BUB1B: variants seen among roughly 807,000 people sequenced by gnomAD.
BUB1B encodes BUB1 mitotic checkpoint serine/threonine kinase B, also known as mitotic checkpoint serine/threonine-protein kinase BUB1 beta.
Under a neutral mutation model 137.7 loss-of-function variants are expected in BUB1B, and 86 were observed. That is an observed-to-expected ratio of 0.62 (90% confidence interval 0.52 to 0.75). The LOEUF (loss-of-function observed/expected upper bound fraction) is 0.75. BUB1B is among the 30% of genes least tolerant of loss of function. The probability of loss-of-function intolerance (pLI) is 0.00; values close to 1 mark genes in which losing one functional copy is unlikely to be tolerated. For synonymous variants in BUB1B, 420 were observed against 417.9 expected, an observed-to-expected ratio of 1.00 and a Z score of -0.06; for missense variants, 1,130 against 1,236.9, an observed-to-expected ratio of 0.91 and a Z score of 1.30.
rs1444930683 is a variant in BUB1B at position 40,196,684 on chromosome 15, A to G, written c.1198A>G (p.Lys400Glu). ...EEKKEKMMYC[K>E]EKIYAGVGEF... ...GAAGAAAGAGAAGATGATGTATTGT[A>G]AGGAGAAGATTTATGCAGGAGTAGG... Residue 400 changes from lysine (K) to glutamate (E), a missense_variant, in exon 9 of 23, where the codon AAG (lysine) becomes GAG (glutamate). Coordinates refer to ENST00000287598, the MANE Select transcript of BUB1B (RefSeq NM_001211.6). 1.1e-5 allele frequency: 18 copies of G among 1,614,046 alleles called. No individual in the cohort carries two copies. Among genetic ancestry groups the G allele is most frequent in the Non-Finnish European group, 1.5e-5 (18 of 1,179,932 alleles).
At chr15:40,199,103 C>T (rs1272510949) in intron 9 of BUB1B, among the ~76,000 whole-genome samples, 1 of 152,206 alleles carries the variant, frequency 6.6e-6, no homozygotes, top group East Asian at 1.9e-4. Context: ...GAATCTTTCC[C>T]CAGAACTTTG....
intron 2 of BUB1B, among the ~76,000 whole-genome samples, chr15:40,167,407 A>G (rs1432770211): frequency 1.4e-5 from 2 of 140,246 alleles, no homozygotes; most frequent in African/African-American, 2.8e-5. Flanking sequence ...CTGGAGCGCA[A>G]TCTCAGCTCA....
intron 14 of BUB1B, among the ~76,000 whole-genome samples, chr15:40,205,361 T>G (rs1351142569): frequency 6.6e-6 from 1 of 152,198 alleles, no homozygotes; most frequent in South Asian, 2.1e-4. Flanking sequence ...AAAATTAATC[T>G]CTGGTATCCA....
At chr15:40,182,755 C>T (rs1011807705) in intron 5 of BUB1B, among the ~76,000 whole-genome samples, 5 of 152,224 alleles carry the variant, frequency 3.3e-5, no homozygotes, top group African/African-American at 1.2e-4. Flanking sequence ...TCAGAGTCCT[C>T]TTTTCCCAGT....
At chr15:40,181,093 AT>A (rs372589327) in intron 5 of BUB1B, among the ~76,000 whole-genome samples, 89,942 of 137,744 alleles carry the variant, frequency 0.65, 29,167 homozygotes, top group Non-Finnish European at 0.72. Context: ...TCTAGATGTG[AT>A]TTTTTTTTTT....
Position 40,209,622 on chromosome 15 carries a change from C to T in BUB1B, c.2144-13C>T, listed in dbSNP as rs1329171390. ...TTTGGTGATATATTTTCACCTTTCC[C>T]TCCCACTGGCAGAAAACCCTACTCA... On this transcript the variant is annotated splice_polypyrimidine_tract_variant and intron_variant, in intron 16 of 22. Coordinates refer to ENST00000287598, the MANE Select transcript of BUB1B (RefSeq NM_001211.6). The T allele has an allele frequency of 3.1e-6, 5 of 1,613,780 alleles. No individual in the cohort carries two copies. The Admixed American group carries it at 6.7e-5, about 22-fold the overall frequency.
At position 40,166,659 on chromosome 15, in the gene BUB1B, C is replaced by T. The variant is rs190442461; in HGVS notation, c.179+1463C>T. Reference sequence around the variant, plus strand: ...CCAGCAGTAGACATAATTTTCATTTCCCTTGGAGTGGAATTGTTGGACCAT... The same window carrying T: ...CCAGCAGTAGACATAATTTTCATTTTCCTTGGAGTGGAATTGTTGGACCAT... On this transcript the variant is annotated intron_variant, in intron 2 of 22. Coordinates refer to ENST00000287598, the MANE Select transcript of BUB1B (RefSeq NM_001211.6). Among the ~76,000 whole-genome samples, 28 of 152,314 alleles carry T rather than the reference C, an allele frequency of 1.8e-4. 1 individual carries two copies. In the East Asian group the frequency reaches 5.4e-3, roughly 29 times the overall value.
At chr15:40,170,009 T>G in intron 2 of BUB1B, 53 bp from the exon 3 acceptor site, 1 of 1,367,718 alleles carries the variant, frequency 7.3e-7, no homozygotes, top group Non-Finnish European at 1.0e-6. Context: ...TGATACTTGT[T>G]CATTGGCTGT....
chr15:40,218,460 AC>A lies in BUB1B; in HGVS notation c.2857del (p.Leu953CysfsTer4). 1 of 1,611,700 alleles carries A rather than the reference AC, an allele frequency of 6.2e-7. No homozygotes were observed. Reference sequence around the variant, plus strand: ...TGGTGCTTTTTGTGATTTCAGGTAGACCTGTTTGGTATAGCAGATTTAGCAC... The same window carrying A: ...TGGTGCTTTTTGTGATTTCAGGTAGACTGTTTGGTATAGCAGATTTAGCAC... ...LANCSSPYQV[D>X]LFGIADLAHL... is the part of the protein sequence containing the mutation. On this transcript the variant is annotated frameshift_variant, in exon 22 of 23. Transcript: ENST00000287598. LOFTEE classifies it high-confidence loss of function.
intron 6 of BUB1B, among the ~76,000 whole-genome samples, 154 bp downstream of exon 6, chr15:40,184,037 G>A (rs750572036): frequency 6.6e-5 from 10 of 152,196 alleles, no homozygotes; most frequent in Non-Finnish European, 1.0e-4. Context: ...ATATTACAGT[G>A]TGCAGTAAAA....
At position 40,213,456 on chromosome 15, in the gene BUB1B, G is replaced by A. The variant is rs1286849142; in HGVS notation, c.2660G>A (p.Cys887Tyr). 6.2e-7 allele frequency: 1 copy of A among 1,614,126 alleles called. No homozygotes were observed. Among genetic ancestry groups the A allele is most frequent in the Admixed American group, 1.7e-5 (1 of 60,020 alleles). ...EIVHGDLSPR[C>Y]LILRNRIHDP... ...GTCCATGGTGACTTGAGTCCAAGGT[G>A]TCTGATTCTCAGAAACAGGTTGGTC... Residue 887 changes from cysteine to tyrosine, a missense_variant, in exon 20 of 23, where the codon TGT (cysteine) becomes TAT (tyrosine). Coordinates refer to ENST00000287598, the MANE Select transcript of BUB1B (RefSeq NM_001211.6).
chr15:40,193,439 CTTT>C (rs71132152), intron 8 of BUB1B, among the ~76,000 whole-genome samples: 1 of 112,648 alleles, frequency 8.9e-6, no homozygotes, highest in Non-Finnish European at 1.7e-5. Context: ...TTACTATCAT[CTTT>C]TTTTTTTTTT....
At chr15:40,193,468 C>CTTTTTTTT (rs555918648) in intron 8 of BUB1B, among the ~76,000 whole-genome samples, 10 of 79,734 alleles carry the variant, frequency 1.3e-4, no homozygotes, top group Non-Finnish European at 2.2e-4. Context: ...CTTATTACCA[C>CTTTTTTTT]TTTTTTTTTT....
rs770794291 is a variant in BUB1B at position 40,183,794 on chromosome 15, T to C, written c.662T>C (p.Val221Ala). 2 of 1,614,086 alleles carry C rather than the reference T, an allele frequency of 1.2e-6. No individual in the cohort carries two copies. The highest frequency in any genetic ancestry group is 4.5e-5 in the East Asian group (2 of 44,868). The change falls in exon 6 of 23, where the codon GTA becomes GCA. Residue 221 changes from valine to alanine, a missense_variant. Val to Ala is a moderately conservative substitution (Grantham distance 64). Transcript: ENST00000287598. ...EEEEEVFESS[V>A]PQRSTLAELK... The stretch of plus-strand genomic sequence containing the variant: ...GAGGAGGAAGTTTTTGAGTCTTCTG[T>C]ACCACAACGAAGCACACTAGCTGAA...
At chr15:40,202,186 A>G (rs985722225) in intron 12 of BUB1B, among the ~76,000 whole-genome samples, 2 of 152,172 alleles carry the variant, frequency 1.3e-5, no homozygotes, top group Non-Finnish European at 2.9e-5. Flanking sequence ...TTTGGGGAGT[A>G]GTGACAGTGG....
chr15:40,200,864 CTT>C, intron 11 of BUB1B, 65 bp from the exon 12 acceptor site: 1 of 1,384,704 alleles, frequency 7.2e-7, no homozygotes. Context: ...GCCTCTTGGA[CTT>C]TTAAAAATTA....
At chr15:40,179,958 T>C (rs1052353419) in intron 5 of BUB1B, among the ~76,000 whole-genome samples, 3 of 125,026 alleles carry the variant, frequency 2.4e-5, no homozygotes, top group Non-Finnish European at 3.3e-5. Context: ...TTGTTTTGCT[T>C]TCAAAAGCCA....
chr15:40,185,084 A>G (rs1346901674), intron 6 of BUB1B, 81 bp from the exon 7 acceptor site: 2 of 1,155,978 alleles, frequency 1.7e-6, no homozygotes, highest in Non-Finnish European at 2.6e-6. Context: ...CCTTGAGTTG[A>G]GGAAGAATAG....
Position 40,165,196 on chromosome 15 carries a change from G to A in BUB1B, c.179G>A (p.Arg60Gln), listed in dbSNP as rs770498351. 1.4e-5 allele frequency: 22 copies of A among 1,614,052 alleles called. No individual in the cohort carries two copies. Among genetic ancestry groups the A allele is most frequent in the East Asian group, 8.9e-5 (4 of 44,890 alleles). The change falls in exon 2 of 23, where the codon CGG becomes CAG. Residue 60 changes from arginine (R) to glutamine (Q), a missense_variant and splice_region_variant. Coordinates refer to ENST00000287598, the MANE Select transcript of BUB1B (RefSeq NM_001211.6). The stretch of plus-strand genomic sequence containing the variant: ...AACAATACTCTTCAGCAGCAGAAAC[G>A]GTGTGTAGAATGGCTGAGTCTCAAC... ...ACNNTLQQQK[R>Q]AFEYEIRFYT...
Sources: gnomAD v4.1 joint callset for allele counts (sites outside exome capture counted in the v4.1 genomes callset) on GRCh38, gnomAD v4.1.1 for gene constraint, MANE v1.5 for transcripts, NCBI Gene and HGNC (gene_info 2026-07-23, HGNC 2026-07-21) for gene names.